The following BRD7 variants were observed in gnomAD, a reference collection of about 807,000 sequenced individuals.
BRD7 encodes the protein bromodomain-containing protein 7.
In BRD7, 15 loss-of-function variants were observed where a neutral mutation model predicts 82.1. The observed-to-expected ratio is 0.18, with a 90% CI of 0.12 to 0.28. The LOEUF (loss-of-function observed/expected upper bound fraction) is 0.28. Ranked by LOEUF, BRD7 falls within the 10% of genes least tolerant of loss-of-function variation. The pLI, the probability that BRD7 is intolerant of heterozygous loss-of-function variation, is 1.00. For synonymous variants in BRD7, 232 were observed against 266.9 expected, an observed-to-expected ratio of 0.87 and a Z score of 1.27; for missense variants, 638 against 779.9, an observed-to-expected ratio of 0.82 and a Z score of 2.17.
rs770797884 is a variant in BRD7 at position 50,320,301 on chromosome 16, G to C, written c.1703C>G (p.Pro568Arg). 6 of 1,614,112 alleles carry C rather than the reference G, an allele frequency of 3.7e-6. No individual in the cohort carries two copies. In the Admixed American group the frequency reaches 8.3e-5, roughly 22 times the overall value. ...EAQNERLSTR[P>R]PPNMICLLGP... The stretch of plus-strand genomic sequence containing the variant: ...CAAGAGACAGATCATGTTCGGAGGG[G>C]GTCTGGTGCTCAAACGTTCATTCTG... The change falls in exon 15 of 17, where the codon CCC becomes CGC. Residue 568 changes from proline (P) to arginine (R), a missense_variant. This residue lies in a region of BRD7 where 402 missense variants were observed against 500.8 expected (regional missense o/e 0.80). Transcript: ENST00000394688.
intron 8 of BRD7, among the ~76,000 whole-genome samples, chr16:50,332,011 T>G (rs1375862876): frequency 6.6e-6 from 1 of 152,214 alleles, no homozygotes; most frequent in African/African-American, 2.4e-5. Flanking sequence ...AACACTTAAA[T>G]GTACGACCTC....
At chr16:50,351,766 G>A (rs1243735563) in intron 4 of BRD7, among the ~76,000 whole-genome samples, 1 of 152,004 alleles carries the variant, frequency 6.6e-6, no homozygotes, top group African/African-American at 2.4e-5. Flanking sequence ...TATTTAGAGG[G>A]TACAGTGTGA....
rs879268951 is a variant in BRD7 at position 50,339,854 on chromosome 16, TTAATA to T, written c.702+117_702+121del. The T allele has an allele frequency of 4.4e-5, 20 of 459,608 alleles. No individual in the cohort carries two copies. The South Asian group carries it at 4.6e-4, about 11-fold the overall frequency. 28.5% of individuals were successfully genotyped at this position (459,608 alleles called of 1,614,324 possible). A position where few individuals can be genotyped will look rare whatever the true frequency, so the allele number is the denominator to read the frequency against. ...TTTCATTTAGTATTTTCTACTTTATTTAATATAATATAACCTGCTAATAAAATAAA... is the reference window on the plus strand; with the variant it reads ...TTTCATTTAGTATTTTCTACTTTATTTAATATAACCTGCTAATAAAATAAA... On this transcript the variant is annotated intron_variant, in intron 6 of 16. Coordinates refer to ENST00000394688, the MANE Select transcript of BRD7 (RefSeq NM_013263.5).
intron 8 of BRD7, among the ~76,000 whole-genome samples, chr16:50,329,270 G>A (rs1055258013): frequency 6.6e-6 from 1 of 152,090 alleles, no homozygotes; most frequent in African/African-American, 2.4e-5. Context: ...GGGTCCTTAA[G>A]GCCACCTAGT....
At chr16:50,354,980 C>T in intron 2 of BRD7, 58 bp from the exon 3 acceptor site, 1 of 1,563,894 alleles carries the variant, frequency 6.4e-7, no homozygotes. Context: ...TCTTTAAATA[C>T]ATAAATCATT....
intron 1 of BRD7, 56 bp downstream of exon 1, chr16:50,368,670 G>C (rs551392230): frequency 6.5e-7 from 1 of 1,532,042 alleles, no homozygotes; most frequent in Non-Finnish European, 8.8e-7. Flanking sequence ...GGGAAAGAGC[G>C]GAAGCCCGGC....
chr16:50,329,648 C>T (rs12325247), intron 8 of BRD7, among the ~76,000 whole-genome samples: 56,642 of 151,984 alleles, frequency 0.37, 12,240 homozygotes, highest in Middle Eastern at 0.5. Flanking sequence ...GAGTGATTGT[C>T]GGCTGAGAGC....
intron 12 of BRD7, among the ~76,000 whole-genome samples, chr16:50,323,233 G>A (rs576937354): frequency 6.6e-6 from 1 of 152,316 alleles, no homozygotes; most frequent in South Asian, 2.1e-4. Context: ...ACTGCACGAG[G>A]AAAAGCCATT....
At chr16:50,368,539 G>A (rs1015475191) in intron 1 of BRD7, 187 bp downstream of exon 1, 3 of 711,260 alleles carry the variant, frequency 4.2e-6, no homozygotes, top group Non-Finnish European at 6.4e-6. Context: ...CGGACCAGGG[G>A]GACCCGGGTT....
chr16:50,340,852 T>A (rs1033515901), intron 5 of BRD7, among the ~76,000 whole-genome samples: 1 of 152,160 alleles, frequency 6.6e-6, no homozygotes, highest in African/African-American at 2.4e-5. Flanking sequence ...CATCTATAAA[T>A]GTGCGATTCA....
At chr16:50,328,446 G>A (rs1274957178) in intron 9 of BRD7, among the ~76,000 whole-genome samples, 3 of 152,098 alleles carry the variant, frequency 2.0e-5, no homozygotes, top group African/African-American at 7.2e-5. Flanking sequence ...AATATTTCAG[G>A]GACTTTGAAT....
In BRD7 at chr16:50,320,645, C is replaced by T. The variant is rs749198621; in HGVS notation, c.1612+18G>A. The T allele has an allele frequency of 1.0e-5, 16 of 1,585,744 alleles. No homozygotes were observed. The Middle Eastern group carries it at 1.1e-3, about 105-fold the overall frequency. On this transcript the variant is annotated intron_variant, in intron 14 of 16. Transcript: ENST00000394688. ...TACATCATGCAGTGTTTCAATCAAA[C>T]CCTCTGGAGACACTTACCTTCAGAG...
At chr16:50,367,286 G>A (rs1159678396) in intron 2 of BRD7, among the ~76,000 whole-genome samples, 1 of 152,166 alleles carries the variant, frequency 6.6e-6, no homozygotes, top group Non-Finnish European at 1.5e-5. Flanking sequence ...GCAGTGGTAT[G>A]ATCATACCTC....
At chr16:50,365,581 A>G (rs1250223538) in intron 2 of BRD7, among the ~76,000 whole-genome samples, 2 of 152,238 alleles carry the variant, frequency 1.3e-5, no homozygotes, top group Non-Finnish European at 2.9e-5. Context: ...AAAACAGGAA[A>G]AAACTTCGAT....
rs2037317130 is a variant in BRD7 at position 50,325,867 on chromosome 16, A to G, written c.1212T>C (p.Tyr404=). ...NKVTPVLYLN[Y]GPYSSYAPHY... ...GCGGTGCATAAGAACTGTAGGGCCCATAATTCAAATATAACACTGTTGAAA... is the reference window on the plus strand; with the variant it reads ...GCGGTGCATAAGAACTGTAGGGCCCGTAATTCAAATATAACACTGTTGAAA... The change falls in exon 11 of 17, where the codon TAT becomes TAC. Residue 404 remains tyrosine (Y), a synonymous_variant. Coordinates refer to ENST00000394688, the MANE Select transcript of BRD7 (RefSeq NM_013263.5). 1.3e-6 allele frequency: 2 copies of G among 1,597,932 alleles called. No homozygotes were observed. Among genetic ancestry groups the G allele is most frequent in the African/African-American group, 2.7e-5 (2 of 73,992 alleles).
chr16:50,367,391 T>C (rs2039188975), intron 2 of BRD7, among the ~76,000 whole-genome samples: 1 of 152,080 alleles, frequency 6.6e-6, no homozygotes, highest in Non-Finnish European at 1.5e-5. Context: ...CTGGAAATTT[T>C]TGTAGTTTAT....
At position 50,320,789 on chromosome 16, in the gene BRD7, A is replaced by AAAAC; in HGVS notation, c.1501-19_1501-16dup. On this transcript the variant is annotated splice_polypyrimidine_tract_variant and intron_variant, in intron 13 of 16. Coordinates refer to ENST00000394688, the MANE Select transcript of BRD7 (RefSeq NM_013263.5). ...ACTTCTGTAATCTGCTTCAAAAGGA[A>AAAAC]AAACAGGCAATTACTGGCGCTTGCT... is the stretch of plus-strand genomic sequence containing the variant. 6.3e-7 allele frequency: 1 copy of AAAAC among 1,578,718 alleles called. No individual in the cohort carries two copies. Among genetic ancestry groups the AAAAC allele is most frequent in the East Asian group, 2.2e-5 (1 of 44,682 alleles).
intron 2 of BRD7, 110 bp downstream of exon 2, chr16:50,367,980 C>G: frequency 1.8e-6 from 2 of 1,117,874 alleles, no homozygotes; most frequent in Non-Finnish European, 2.6e-6. Context: ...CTCAAACGAG[C>G]CAGATCTTAG....
chr16:50,360,003 G>T (rs543520452), intron 2 of BRD7, among the ~76,000 whole-genome samples: 2 of 152,288 alleles, frequency 1.3e-5, no homozygotes, highest in Admixed American at 1.3e-4. Context: ...ATTCTAATTT[G>T]CCCACAACTT....
Sources: allele counts gnomAD v4.1 joint callset (sites outside exome capture counted in the v4.1 genomes callset), GRCh38; gene constraint gnomAD v4.1.1; regional missense constraint gnomAD v4.1.1; transcripts MANE v1.5; gene names NCBI Gene and HGNC (gene_info 2026-07-23, HGNC 2026-07-21).